The following SHC2 variants were observed in gnomAD, a reference collection of about 807,000 sequenced individuals.
SHC2 encodes SHC-transforming protein 2.
Under a neutral mutation model 60.6 loss-of-function variants are expected in SHC2, and 62 were observed. That is an observed-to-expected ratio of 1.02 (90% CI 0.83 to 1.26). SHC2 has a LOEUF of 1.26. Among genes scored for constraint, SHC2 ranks in the 50% most tolerant of loss-of-function variants. The pLI, the probability that SHC2 is intolerant of heterozygous loss-of-function variation, is 0.00. For synonymous variants in SHC2, 375 were observed against 372.4 expected (o/e 1.01, Z -0.08); for missense variants, 873 against 822.2 (o/e 1.06, Z -0.76).
chr19:418,908 G>A lies in SHC2; in HGVS notation c.*5+15C>T. The A allele has an allele frequency of 6.3e-7, 1 of 1,577,482 alleles. No homozygotes were observed. The highest frequency in any genetic ancestry group is 1.1e-5 in the South Asian group (1 of 87,406). ...AAGGAGGCAAGGCCAGCGACCCACG[G>A]CGGCAGCCACACACCTGGCTCAGGG... is the stretch of plus-strand genomic sequence containing the variant. On this transcript the variant is annotated intron_variant, in intron 12 of 12. Coordinates refer to ENST00000264554, the MANE Select transcript of SHC2 (RefSeq NM_012435.3).
chr19:451,262 G>A (rs1033827470), intron 1 of SHC2, among the ~76,000 whole-genome samples: 7 of 143,998 alleles, frequency 4.9e-5, no homozygotes, highest in African/African-American at 1.3e-4. Flanking sequence ...TGGCCACGCC[G>A]TGGCTGTGCT....
chr19:434,416 T>C (rs1432600222), intron 8 of SHC2, among the ~76,000 whole-genome samples: 5 of 7,446 alleles, frequency 6.7e-4, no homozygotes, highest in East Asian at 6.8e-3. Context: ...GTGAGTGAGA[T>C]AGTGAGTGAG....
rs1305625201 is a variant in SHC2, at chr19:445,758, G to T, written c.469-4826C>A. ...GTCTTAAAAAACACATTTTTGCCGG[G>T]CGCGGTGGCTCACGCCTGTAATCCC... is the stretch of plus-strand genomic sequence containing the variant. On this transcript the variant is annotated intron_variant, in intron 1 of 12. Coordinates refer to ENST00000264554, the MANE Select transcript of SHC2 (RefSeq NM_012435.3). The surrounding 1 kb of genome is among the most constrained non-coding windows in gnomAD (Gnocchi z 4.4). 3.3e-5 allele frequency among the ~76,000 whole-genome samples: 5 copies of T among 152,092 alleles called. No homozygotes were observed. The highest frequency in any genetic ancestry group is 1.2e-4 in the African/African-American group (5 of 41,424).
Position 436,270 on chromosome 19 carries a change from C to T in SHC2, c.848G>A (p.Cys283Tyr). 6.3e-7 allele frequency: 1 copy of T among 1,594,834 alleles called. No individual in the cohort carries two copies. Among genetic ancestry groups the T allele is most frequent in the Non-Finnish European group, 8.5e-7 (1 of 1,171,540 alleles). ...NQRACHILEC[C>Y]EGLAQSIIST... is the part of the protein sequence containing the mutation. ...GATGATGCTCTGTGCCAGGCCCTCACAGCACTCCAGGATGTGGCAGGCTGC... is the reference window on the plus strand; with the variant it reads ...GATGATGCTCTGTGCCAGGCCCTCATAGCACTCCAGGATGTGGCAGGCTGC... The change falls in exon 7 of 13, where the codon TGT (cysteine) becomes TAT (tyrosine). Residue 283 changes from cysteine (C) to tyrosine (Y), a missense_variant. Transcript: ENST00000264554.
At chr19:448,458 T>C (rs1187694913) in intron 1 of SHC2, among the ~76,000 whole-genome samples, 4 of 150,134 alleles carry the variant, frequency 2.7e-5, no homozygotes, top group African/African-American at 5.1e-5. Flanking sequence ...TCTGTGCAGA[T>C]TTCCCTCTTC....
At chr19:431,231 A>G (rs1568285831) in intron 8 of SHC2, among the ~76,000 whole-genome samples, 1 of 152,264 alleles carries the variant, frequency 6.6e-6, no homozygotes, top group Non-Finnish European at 1.5e-5. Context: ...CTGAAATGCC[A>G]CCTCGTCTAA....
At chr19:456,560 C>G (rs894120659) in intron 1 of SHC2, among the ~76,000 whole-genome samples, 1 of 152,164 alleles carries the variant, frequency 6.6e-6, no homozygotes, top group Admixed American at 6.5e-5. Flanking sequence ...TGCGCCACCC[C>G]CTACTTAAAA....
At position 425,766 on chromosome 19, in the gene SHC2, C is replaced by A. The variant is rs892060371; in HGVS notation, c.1175-535G>T. On this transcript the variant is annotated intron_variant, in intron 9 of 12. Coordinates refer to ENST00000264554, the MANE Select transcript of SHC2 (RefSeq NM_012435.3). The surrounding 1 kb of genome is among the most constrained non-coding windows in gnomAD (Gnocchi z 4.1). ...ACATGGGGCCGGGCGTGGTGGCTCA[C>A]GCCTGTAATCCCAGCACTTTGGGAG... Among the ~76,000 whole-genome samples the A allele has an allele frequency of 6.6e-6, 1 of 152,092 alleles. No individual in the cohort carries two copies. Among genetic ancestry groups the A allele is most frequent in the South Asian group, 2.1e-4 (1 of 4,828 alleles).
chr19:427,141 G>A (rs950447137), intron 9 of SHC2, among the ~76,000 whole-genome samples: 4 of 152,208 alleles, frequency 2.6e-5, no homozygotes, highest in African/African-American at 7.2e-5. Flanking sequence ...TGACCAGCTC[G>A]AGGGCTCTGA....
chr19:430,553 G>A (rs1054662790), intron 9 of SHC2, 131 bp downstream of exon 9: 7 of 702,530 alleles, frequency 1.0e-5, no homozygotes, highest in Non-Finnish European at 1.7e-5. Context: ...AGAGTGTTAG[G>A]AGCAAGACGA....
rs12972531 is a variant in SHC2 at position 440,592 on chromosome 19, G to A, written c.539+270C>T. On this transcript the variant is annotated intron_variant, in intron 2 of 12. Transcript: ENST00000264554. The surrounding 1 kb of genome is among the most constrained non-coding windows in gnomAD (Gnocchi z 7.0). The stretch of plus-strand genomic sequence containing the variant: ...GAACCCGCCAGGCCCTGCACCCCAC[G>A]CCGTGCGGGGACTTGCCCAGCACCC... 6.2e-3 allele frequency among the ~76,000 whole-genome samples: 942 copies of A among 152,306 alleles called. 6 individuals carry two copies. The highest frequency in any genetic ancestry group is 9.0e-3 in the Non-Finnish European group (609 of 68,020).
rs531461806 is a variant in SHC2, at chr19:440,285, C to T, written c.539+577G>A. Among the ~76,000 whole-genome samples, 29 of 152,136 alleles carry T rather than the reference C, an allele frequency of 1.9e-4. No homozygotes were observed. Among genetic ancestry groups the T allele is most frequent in the African/African-American group, 6.7e-4 (28 of 41,486 alleles). ...GGTAATGAGAATGTTCGGAACTAGA[C>T]AGTGGTGATCGTGTGACTCTGTGAA... On this transcript the variant is annotated intron_variant, in intron 2 of 12. Transcript: ENST00000264554. The surrounding 1 kb of genome is among the most constrained non-coding windows in gnomAD (Gnocchi z 7.0).
rs771055186 is a variant in SHC2, at chr19:440,962, A to T, written c.469-30T>A. The T allele has an allele frequency of 1.4e-4, 229 of 1,600,844 alleles. 1 individual carries two copies. The highest frequency in any genetic ancestry group is 1.9e-4 in the Non-Finnish European group (225 of 1,169,246). ...GGGGAGAGAACAGGTGTCAGATGCCATCGGAACCCCCGCAGTGGAGCCACG... is the reference window on the plus strand; with the variant it reads ...GGGGAGAGAACAGGTGTCAGATGCCTTCGGAACCCCCGCAGTGGAGCCACG... On this transcript the variant is annotated intron_variant, in intron 1 of 12. Transcript: ENST00000264554. The surrounding 1 kb of genome is among the most constrained non-coding windows in gnomAD (Gnocchi z 7.0).
intron 1 of SHC2, among the ~76,000 whole-genome samples, chr19:442,508 T>G (rs1208692597): frequency 9.6e-5 from 8 of 83,530 alleles, no homozygotes; most frequent in Admixed American, 2.6e-4. Flanking sequence ...GATGGACGGA[T>G]GGATGGATGG....
rs141607106 is a variant in SHC2, at chr19:441,546, C to T, written c.469-614G>A. Among the ~76,000 whole-genome samples the T allele has an allele frequency of 1.9e-4, 29 of 152,122 alleles. No individual in the cohort carries two copies. In the East Asian group the frequency reaches 4.7e-3, roughly 24 times the overall value. On this transcript the variant is annotated intron_variant, in intron 1 of 12. Coordinates refer to ENST00000264554, the MANE Select transcript of SHC2 (RefSeq NM_012435.3). The surrounding 1 kb of genome is among the most constrained non-coding windows in gnomAD (Gnocchi z 4.9). Reference sequence around the variant, plus strand: ...AGGGTGGGGGAACAGGGCCAGGAGGCGAAGGCCACAGCGTCCTTCCAACGT... The same window carrying T: ...AGGGTGGGGGAACAGGGCCAGGAGGTGAAGGCCACAGCGTCCTTCCAACGT...
intron 4 of SHC2, among the ~76,000 whole-genome samples, chr19:437,503 C>T (rs746414867): frequency 4.6e-5 from 7 of 152,128 alleles, no homozygotes; most frequent in Non-Finnish European, 7.4e-5. Context: ...AGAACATCCA[C>T]TTCTCAGCCC....
In SHC2 at chr19:425,468, C is replaced by G. The variant is rs554335179; in HGVS notation, c.1175-237G>C. Among the ~76,000 whole-genome samples the G allele has an allele frequency of 6.6e-6, 1 of 152,188 alleles. No homozygotes were observed. Among genetic ancestry groups the G allele is most frequent in the African/African-American group, 2.4e-5 (1 of 41,444 alleles). On this transcript the variant is annotated intron_variant, in intron 9 of 12. Coordinates refer to ENST00000264554, the MANE Select transcript of SHC2 (RefSeq NM_012435.3). This position sits in a 1 kb window ranked among gnomAD's most constrained non-coding sequence, Gnocchi z 4.1. Reference sequence around the variant, plus strand: ...CCAGGGACAAGAGTGGGGCAGCGTGCGGCTGGGGCTGTGGGCACCAGACGT... The same window carrying G: ...CCAGGGACAAGAGTGGGGCAGCGTGGGGCTGGGGCTGTGGGCACCAGACGT...
In SHC2 at chr19:459,324, CCCAGCGTAGGGGGAAGGACCCCACTGAAG is replaced by C. The variant is rs1568301556; in HGVS notation, c.468+1176_468+1204del. Among the ~76,000 whole-genome samples, 925 of 123,368 alleles carry C rather than the reference CCCAGCGTAGGGGGAAGGACCCCACTGAAG, an allele frequency of 7.5e-3. 13 individuals are homozygous for C. Among genetic ancestry groups the C allele is most frequent in the Non-Finnish European group, 8.2e-3 (506 of 61,572 alleles). The allele number at this position is 123,368 out of a possible 152,430, so 80.9% of individuals were successfully genotyped here. A position where few individuals can be genotyped will look rare whatever the true frequency, so the allele number is the denominator to read the frequency against. On this transcript the variant is annotated intron_variant, in intron 1 of 12. Transcript: ENST00000264554. ...GCGTAGGGGGAAGGACCCCACTGAACCCAGCGTAGGGGGAAGGACCCCACTGAAGCCAGCGTAGGGGGAAGGACCCCACT... is the reference window on the plus strand; with the variant it reads ...GCGTAGGGGGAAGGACCCCACTGAACCCAGCGTAGGGGGAAGGACCCCACT...
intron 8 of SHC2, among the ~76,000 whole-genome samples, chr19:431,251 A>G (rs1436230914): frequency 6.6e-6 from 1 of 152,148 alleles, no homozygotes; most frequent in Non-Finnish European, 1.5e-5. Context: ...ATGTGTCCAG[A>G]GGAGGCCGGG....
Sources: allele counts gnomAD v4.1 joint callset (sites outside exome capture counted in the v4.1 genomes callset), GRCh38; gene constraint gnomAD v4.1.1; non-coding constraint Gnocchi (gnomAD v3.1); transcripts MANE v1.5; gene names NCBI Gene and HGNC (gene_info 2026-07-23, HGNC 2026-07-21).